ABLIM1: variants seen among roughly 807,000 people sequenced by gnomAD.
ABLIM1 encodes the protein actin-binding LIM protein 1.
Under a neutral mutation model 107.0 loss-of-function variants are expected in ABLIM1, and 40 were observed. That is an observed-to-expected ratio of 0.37 (90% CI 0.29 to 0.49). ABLIM1 has a LOEUF of 0.49. ABLIM1 is among the 20% of genes least tolerant of loss of function. The probability of loss-of-function intolerance (pLI) is 0.97; values close to 1 mark genes in which losing one functional copy is unlikely to be tolerated. For synonymous variants in ABLIM1, 357 were observed against 357.3 expected, an observed-to-expected ratio of 1.00 and a Z score of 0.01; for missense variants, 857 against 1,008.5, an observed-to-expected ratio of 0.85 and a Z score of 2.04.
intron 1 of ABLIM1, among the ~76,000 whole-genome samples, chr10:114,727,213 T>C (rs1043513200): frequency 1.3e-5 from 2 of 152,176 alleles, no homozygotes; most frequent in African/African-American, 4.8e-5. Context: ...AAACAAATGC[T>C]TAAAAAGCCT....
chr10:114,570,595 G>A (rs535109914), intron 4 of ABLIM1, among the ~76,000 whole-genome samples: 5 of 101,584 alleles, frequency 4.9e-5, no homozygotes, highest in Non-Finnish European at 9.5e-5. Context: ...TATTTTTCTG[G>A]GTTTTTTTTT....
chr10:114,514,315 T>A (rs990552591), intron 6 of ABLIM1, among the ~76,000 whole-genome samples: 10 of 147,072 alleles, frequency 6.8e-5, no homozygotes, highest in East Asian at 2.0e-4. Flanking sequence ...AAAAAAAAAA[T>A]AAAGTGAAAT....
the ABLIM1 span, among the ~76,000 whole-genome samples, chr10:114,787,673 T>A: frequency 4.1e-5 from 4 of 96,480 alleles, no homozygotes; most frequent in Admixed American, 1.1e-4. Context: ...GGAGCCCCTC[T>A]GCCCGGCCAG....
intron 1 of ABLIM1, among the ~76,000 whole-genome samples, chr10:114,634,123 A>ATTTTTTTTTTTT (rs1209219359): frequency 5.9e-4 from 40 of 68,190 alleles, no homozygotes; most frequent in East Asian, 8.0e-4. Context: ...CATTAGCTCA[A>ATTTTTTTTTTTT]TTTTTCTTTT....
At chr10:114,543,949 A>G (rs1045058385) in intron 6 of ABLIM1, among the ~76,000 whole-genome samples, 2 of 152,118 alleles carry the variant, frequency 1.3e-5, no homozygotes, top group Non-Finnish European at 2.9e-5. Context: ...CACACATCCA[A>G]TGCTGGCCCC....
intron 6 of ABLIM1, among the ~76,000 whole-genome samples, chr10:114,507,112 T>C (rs2061261098): frequency 6.6e-6 from 1 of 152,208 alleles, no homozygotes; most frequent in Non-Finnish European, 1.5e-5. Flanking sequence ...AGGGTGGGAA[T>C]GAATATTGGA....
chr10:114,661,286 C>T (rs1011303094), upstream of ABLIM1, among the ~76,000 whole-genome samples: 1 of 152,160 alleles, frequency 6.6e-6, no homozygotes, highest in Non-Finnish European at 1.5e-5. Context: ...AGGGGGCTGA[C>T]TCCATTCTCA....
intron 4 of ABLIM1, among the ~76,000 whole-genome samples, chr10:114,555,935 T>C (rs918330349): frequency 9.2e-5 from 14 of 151,978 alleles, no homozygotes; most frequent in African/African-American, 3.4e-4. Context: ...AAAAAATAAA[T>C]AGAAACAAAA....
chr10:114,798,050 GTA>G, the ABLIM1 span, among the ~76,000 whole-genome samples: 2 of 152,186 alleles, frequency 1.3e-5, no homozygotes, highest in African/African-American at 4.8e-5. Context: ...GCAGGTAACT[GTA>G]TAATGACTAT....
At chr10:114,714,079 T>C (rs2081609583) in intron 1 of ABLIM1, among the ~76,000 whole-genome samples, 2 of 152,212 alleles carry the variant, frequency 1.3e-5, no homozygotes, top group African/African-American at 4.8e-5. Context: ...ATATTTTACT[T>C]TGTAGAACAT....
At chr10:114,635,287 G>A (rs535254098) in intron 1 of ABLIM1, among the ~76,000 whole-genome samples, 13 of 152,354 alleles carry the variant, frequency 8.5e-5, no homozygotes, top group Non-Finnish European at 2.9e-5. Flanking sequence ...TTAGCACACA[G>A]TCACTCTTGG....
At chr10:114,523,530 A>G (rs1177045818) in intron 6 of ABLIM1, among the ~76,000 whole-genome samples, 1 of 151,602 alleles carries the variant, frequency 6.6e-6, no homozygotes, top group East Asian at 1.9e-4. Flanking sequence ...AACCATGAAG[A>G]AGCATTAACC....
At chr10:114,678,170 C>G (rs1308423829) in intron 1 of ABLIM1, among the ~76,000 whole-genome samples, 2 of 150,636 alleles carry the variant, frequency 1.3e-5, no homozygotes, top group Non-Finnish European at 3.0e-5. Flanking sequence ...TTTCCTCATT[C>G]TCCAGCTAAG....
chr10:114,462,176 C>T (rs1026919501), intron 12 of ABLIM1, among the ~76,000 whole-genome samples: 5 of 152,152 alleles, frequency 3.3e-5, no homozygotes, highest in African/African-American at 9.7e-5. Flanking sequence ...AGGGCCATGA[C>T]ACATGGAGCA....
At chr10:114,508,338 G>C (rs540766226) in intron 6 of ABLIM1, among the ~76,000 whole-genome samples, 2 of 152,252 alleles carry the variant, frequency 1.3e-5, no homozygotes, top group African/African-American at 4.8e-5. Context: ...TTTGCAGGAG[G>C]AGATGGTTAC....
At chr10:114,673,989 G>A (rs1279162251) in intron 1 of ABLIM1, among the ~76,000 whole-genome samples, 2 of 152,174 alleles carry the variant, frequency 1.3e-5, no homozygotes, top group Non-Finnish European at 2.9e-5. Context: ...GCAAAATAGA[G>A]TTTAAGAGGG....
chr10:114,681,469 A>G (rs2080747345), intron 1 of ABLIM1, among the ~76,000 whole-genome samples: 1 of 152,356 alleles, frequency 6.6e-6, no homozygotes, highest in Non-Finnish European at 1.5e-5. Flanking sequence ...TGCTGGGATT[A>G]TAGGCATGAG....
intron 6 of ABLIM1, among the ~76,000 whole-genome samples, chr10:114,505,169 T>C (rs1004957283): frequency 6.6e-6 from 1 of 152,148 alleles, no homozygotes; most frequent in Non-Finnish European, 1.5e-5. Context: ...CAATGAGAAA[T>C]TCATCATGCT....
intron 8 of ABLIM1, among the ~76,000 whole-genome samples, chr10:114,486,420 T>C (rs536407690): frequency 3.3e-5 from 5 of 152,306 alleles, no homozygotes; most frequent in Admixed American, 2.0e-4. Flanking sequence ...CTGGGCAGCA[T>C]CCTCAAGCTA....
Sources: allele counts gnomAD v4.1 joint callset (sites outside exome capture counted in the v4.1 genomes callset), GRCh38; gene constraint gnomAD v4.1.1; transcripts MANE v1.5; gene names NCBI Gene and HGNC (gene_info 2026-07-23, HGNC 2026-07-21).